Variants in CCT7 observed in about 807,000 individuals in gnomAD.
CCT7 encodes the protein T-complex protein 1 subunit eta.
CCT7 carries 16 observed loss-of-function variants against 56.6 expected under a neutral mutation model. The observed-to-expected ratio is 0.28, with a 90% CI of 0.19 to 0.43. The LOEUF (loss-of-function observed/expected upper bound fraction) is 0.43. Ranked by LOEUF, CCT7 falls within the 20% of genes least tolerant of loss-of-function variation. CCT7 has a pLI of 1.00. For missense variants in CCT7, 519 were observed against 685.6 expected, an observed-to-expected ratio of 0.76 and a Z score of 2.71; for synonymous variants, 262 against 254.8, an observed-to-expected ratio of 1.03 and a Z score of -0.27.
chr2:73,240,628 AT>A, intron 3 of CCT7, 85 bp downstream of exon 3: 1 of 638,774 alleles, frequency 1.6e-6, no homozygotes, highest in Non-Finnish European at 2.5e-6. Context: ...TTTTTTTAAG[AT>A]TTTATATAAT....
At chr2:73,234,424 T>C in intron 1 of CCT7, 40 bp downstream of exon 1, 1 of 1,611,610 alleles carries the variant, frequency 6.2e-7, no homozygotes, top group Non-Finnish European at 8.5e-7. Flanking sequence ...TCAGCTGCCA[T>C]CTGGCCGGTG....
intron 11 of CCT7, among the ~76,000 whole-genome samples, chr2:73,252,396 C>G (rs1170819879): frequency 6.7e-6 from 1 of 149,312 alleles, no homozygotes; most frequent in Non-Finnish European, 1.5e-5. Flanking sequence ...AACACAACAG[C>G]TTGCCTGGGA....
chr2:73,244,783 G>A, intron 6 of CCT7, 68 bp downstream of exon 6: 2 of 1,247,666 alleles, frequency 1.6e-6, no homozygotes, highest in Non-Finnish European at 2.2e-6. Flanking sequence ...GCTTCATATG[G>A]CAGAGGGGTA....
chr2:73,248,173 C>T (rs1370885152), intron 7 of CCT7, among the ~76,000 whole-genome samples: 2 of 152,136 alleles, frequency 1.3e-5, no homozygotes, highest in Non-Finnish European at 2.9e-5. Flanking sequence ...CAGGGACTCT[C>T]TAGCTACATA....
Position 73,250,292 on chromosome 2 carries a change from A to G in CCT7, c.1071-14A>G. On this transcript the variant is annotated splice_polypyrimidine_tract_variant and intron_variant, in intron 9 of 11. Transcript: ENST00000258091. The stretch of plus-strand genomic sequence containing the variant: ...ACAAGAGTTCATGTGTGTACTGTTT[A>G]ATCCTGGGCATAGGTACAATTTTTT... 6 of 1,614,052 alleles carry G rather than the reference A, an allele frequency of 3.7e-6. No individual in the cohort carries two copies. The highest frequency in any genetic ancestry group is 4.2e-6 in the Non-Finnish European group (5 of 1,179,980).
chr2:73,240,059 T>G (rs1687041057), intron 2 of CCT7: 1 of 407,388 alleles, frequency 2.5e-6, no homozygotes, highest in African/African-American at 2.0e-5. Context: ...TGGAGTTTCC[T>G]GTGTTCACTT....
At chr2:73,236,427 C>G (rs1686887136) in intron 1 of CCT7, among the ~76,000 whole-genome samples, 1 of 152,112 alleles carries the variant, frequency 6.6e-6, no homozygotes, top group African/African-American at 2.4e-5. Flanking sequence ...CTGCAACCTC[C>G]ATTCCCAGGT....
At chr2:73,248,534 T>G (rs1687444126) in intron 7 of CCT7, among the ~76,000 whole-genome samples, 1 of 152,016 alleles carries the variant, frequency 6.6e-6, no homozygotes, top group South Asian at 2.1e-4. Context: ...TTTGTATTTT[T>G]AGTAGAGACA....
intron 3 of CCT7, 130 bp downstream of exon 3, chr2:73,240,673 T>C (rs1687067905): frequency 2.1e-6 from 1 of 471,782 alleles, no homozygotes; most frequent in Non-Finnish European, 3.7e-6. Context: ...CTTATAAAAG[T>C]ATTTAGAATT....
At chr2:73,247,095 C>T (rs1687372094) in intron 6 of CCT7, among the ~76,000 whole-genome samples, 1 of 152,142 alleles carries the variant, frequency 6.6e-6, no homozygotes. Flanking sequence ...AAATCCAACC[C>T]ACAGAGAAGC....
intron 4 of CCT7, 102 bp downstream of exon 4, chr2:73,243,231 G>T (rs773411604): frequency 8.2e-6 from 11 of 1,333,834 alleles, no homozygotes; most frequent in Non-Finnish European, 1.1e-5. Context: ...TGGGGAACAG[G>T]GTACTTTGGG....
chr2:73,252,858 C>T lies in CCT7; in HGVS notation c.1629C>T (p.His543=). ...GGGGCCGTGGTCGTGGCCGCCCCCACTGAGAGGCACCCCACCCATCACATG... is the reference window on the plus strand; with the variant it reads ...GGGGCCGTGGTCGTGGCCGCCCCCATTGAGAGGCACCCCACCCATCACATG... ...AGRGRGRGRP[H] Residue 543 remains histidine, a synonymous_variant, in exon 12 of 12, where the codon CAC becomes CAT. Transcript: ENST00000258091. 1 of 1,612,244 alleles carries T rather than the reference C, an allele frequency of 6.2e-7. No homozygotes were observed. Among genetic ancestry groups the T allele is most frequent in the Non-Finnish European group, 8.5e-7 (1 of 1,178,808 alleles).
intron 9 of CCT7, 111 bp downstream of exon 9, chr2:73,250,027 G>T (rs942467059): frequency 2.5e-6 from 2 of 814,956 alleles, no homozygotes; most frequent in African/African-American, 3.4e-5. Context: ...GTACAAAGTG[G>T]TATACAGCTT....
At chr2:73,249,301 T>A (rs1279924659) in intron 8 of CCT7, 122 bp downstream of exon 8, 5 of 725,200 alleles carry the variant, frequency 6.9e-6, no homozygotes, top group South Asian at 2.2e-5. Flanking sequence ...TTTTTTTTTT[T>A]AACTCTTTTT....
rs754522329 is a variant in CCT7, at chr2:73,252,648, A to C, written c.1419A>C (p.Thr473=). The C allele has an allele frequency of 3.7e-6, 6 of 1,613,204 alleles. No homozygotes were observed. In the Admixed American group the frequency reaches 8.3e-5, roughly 22 times the overall value. ...KLRARHAQGG[T]WYGVDINNED... Reference sequence around the variant, plus strand: ...TTTTCCTACTCTTTTAGGGGGGTACATGGTATGGAGTAGACATCAACAACG... The same window carrying C: ...TTTTCCTACTCTTTTAGGGGGGTACCTGGTATGGAGTAGACATCAACAACG... The change falls in exon 12 of 12, where the codon ACA becomes ACC. Residue 473 remains threonine, a synonymous_variant. Transcript: ENST00000258091.
intron 3 of CCT7, 80 bp from the exon 4 acceptor site, chr2:73,242,924 G>A (rs1687176440): frequency 1.3e-6 from 2 of 1,533,462 alleles, no homozygotes; most frequent in Non-Finnish European, 1.8e-6. Flanking sequence ...GTTTAAATGG[G>A]TAGCGTGCCT....
At position 73,234,387 on chromosome 2, in the gene CCT7, G is replaced by T. The variant is rs905739281; in HGVS notation, c.6+3G>T. On this transcript the variant is annotated splice_donor_region_variant and intron_variant, in intron 1 of 11. Transcript: ENST00000258091. ...CTGAATAAGCTTCCAAAATGATGGT[G>T]AGTGGCGTCTCGCGCATCCGTCGCC... is the stretch of plus-strand genomic sequence containing the variant. 6.2e-7 allele frequency: 1 copy of T among 1,613,490 alleles called. No individual in the cohort carries two copies. Among genetic ancestry groups the T allele is most frequent in the Non-Finnish European group, 8.5e-7 (1 of 1,179,980 alleles).
At position 73,250,555 on chromosome 2, in the gene CCT7, G is replaced by A. The variant is rs1037724681; in HGVS notation, c.1203+117G>A. 3.3e-6 allele frequency: 4 copies of A among 1,215,646 alleles called. No homozygotes were observed. In the African/African-American group the frequency reaches 4.5e-5, roughly 14 times the overall value. 75.3% of individuals were successfully genotyped at this position (1,215,646 alleles called of 1,614,324 possible). A position where few individuals can be genotyped will look rare whatever the true frequency, so the allele number is the denominator to read the frequency against. Reference sequence around the variant, plus strand: ...TATATAACCTGCCCTTTCCTGGGTGGTGTGGTGAGCCCTGATTTGCCCCAC... The same window carrying A: ...TATATAACCTGCCCTTTCCTGGGTGATGTGGTGAGCCCTGATTTGCCCCAC... On this transcript the variant is annotated intron_variant, in intron 10 of 11. Coordinates refer to ENST00000258091, the MANE Select transcript of CCT7 (RefSeq NM_006429.4).
intron 11 of CCT7, among the ~76,000 whole-genome samples, chr2:73,252,323 T>TGA (rs1474786356): frequency 1.0e-4 from 11 of 108,496 alleles, no homozygotes; most frequent in African/African-American, 2.3e-4. Context: ...ACTCATTGTT[T>TGA]GATATATATA....
Sources: gnomAD v4.1 joint callset for allele counts (sites outside exome capture counted in the v4.1 genomes callset) on GRCh38, gnomAD v4.1.1 for gene constraint, MANE v1.5 for transcripts, NCBI Gene and HGNC (gene_info 2026-07-23, HGNC 2026-07-21) for gene names.